The following AFF1 variants were observed in gnomAD, a reference collection of about 807,000 sequenced individuals.
AFF1 encodes AF4/FMR2 family member 1.
A neutral mutation model predicts 121.7 loss-of-function variants in AFF1; 48 were observed. The ratio of observed to expected loss-of-function variants is 0.39; its 90% confidence interval spans 0.31 to 0.50. The LOEUF is 0.50. Ranked by LOEUF, AFF1 falls within the 20% of genes least tolerant of loss-of-function variation. AFF1 has a pLI of 0.76. For synonymous variants in AFF1, 613 were observed against 563.0 expected, an observed-to-expected ratio of 1.09 and a Z score of -1.26; for missense variants, 1,523 against 1,511.7, an observed-to-expected ratio of 1.01 and a Z score of -0.12.
chr4:86,999,849 A>T (rs930467885), intron 2 of AFF1, among the ~76,000 whole-genome samples: 10 of 152,146 alleles, frequency 6.6e-5, no homozygotes, highest in Non-Finnish European at 2.9e-5. Flanking sequence ...GCAGAAGGAG[A>T]CTGGGTGGTA....
At chr4:87,119,272 T>C (rs1469419111) in intron 12 of AFF1, among the ~76,000 whole-genome samples, 1 of 152,058 alleles carries the variant, frequency 6.6e-6, no homozygotes. Flanking sequence ...GCCAGTGCAA[T>C]TGGGAGCCCT....
intron 2 of AFF1, among the ~76,000 whole-genome samples, chr4:87,006,178 G>C (rs905605503): frequency 6.6e-6 from 1 of 152,272 alleles, no homozygotes; most frequent in South Asian, 2.1e-4. Flanking sequence ...CATGATTCTA[G>C]GTAGAAGAAC....
rs1358472531 is a variant in AFF1 at position 87,080,813 on chromosome 4, A to T, written c.1060-3307A>T. ...AGATCTTTCCCTGTAAACAAATCCA[A>T]AAGATCTGTCTTGTAGTTTAAGTGT... On this transcript the variant is annotated intron_variant, in intron 4 of 20. Coordinates refer to ENST00000395146, the MANE Select transcript of AFF1 (RefSeq NM_001166693.3). Among the ~76,000 whole-genome samples the T allele has an allele frequency of 2.0e-5, 3 of 152,220 alleles. No homozygotes were observed. The South Asian group carries it at 6.2e-4, about 31-fold the overall frequency.
intron 13 of AFF1, among the ~76,000 whole-genome samples, chr4:87,125,840 G>T (rs1041999024): frequency 2.0e-5 from 3 of 152,162 alleles, no homozygotes; most frequent in African/African-American, 7.2e-5. Flanking sequence ...GCTGAAGCAG[G>T]CGTTCGGAAT....
chr4:87,026,655 C>T (rs770880079), intron 2 of AFF1, among the ~76,000 whole-genome samples: 1 of 152,068 alleles, frequency 6.6e-6, no homozygotes, highest in East Asian at 1.9e-4. Context: ...GAAAGAATTT[C>T]GAATGACATG....
intron 8 of AFF1, among the ~76,000 whole-genome samples, chr4:87,095,919 C>T (rs1724789137): frequency 6.6e-6 from 1 of 151,974 alleles, no homozygotes; most frequent in Admixed American, 6.5e-5. Flanking sequence ...TTCAGGTGGC[C>T]CAGGAGTTTA....
At chr4:87,117,391 G>T (rs1578288087) in intron 12 of AFF1, among the ~76,000 whole-genome samples, 2 of 152,278 alleles carry the variant, frequency 1.3e-5, no homozygotes, top group Non-Finnish European at 1.5e-5. Flanking sequence ...TGCCTCCGTG[G>T]TACTGTCAGG....
At chr4:87,081,198 G>C (rs1723142836) in intron 4 of AFF1, among the ~76,000 whole-genome samples, 1 of 118,368 alleles carries the variant, frequency 8.4e-6, no homozygotes, top group South Asian at 2.9e-4. Context: ...GTCTCACTCG[G>C]TCTCCCAGGC....
At chr4:87,032,564 T>C (rs1419469993) in intron 2 of AFF1, among the ~76,000 whole-genome samples, 1 of 152,224 alleles carries the variant, frequency 6.6e-6, no homozygotes, top group East Asian at 1.9e-4. Context: ...ATCTGCTTTG[T>C]AGTCCATGTG....
chr4:86,992,924 CCTTT>C (rs1177380617), intron 2 of AFF1, among the ~76,000 whole-genome samples: 5 of 151,902 alleles, frequency 3.3e-5, no homozygotes, highest in African/African-American at 4.8e-5. Context: ...ATGGAGTAGC[CCTTT>C]CTTTGAGTGA....
At chr4:87,018,070 C>A (rs188014877) in intron 2 of AFF1, among the ~76,000 whole-genome samples, 1 of 152,320 alleles carries the variant, frequency 6.6e-6, no homozygotes, top group East Asian at 1.9e-4. Context: ...TGCTGCTCTG[C>A]ATATTAATTT....
Position 87,110,095 on chromosome 4 carries a change from A to G in AFF1, c.1533+1780A>G, listed in dbSNP as rs180998195. Among the ~76,000 whole-genome samples, 16 of 152,282 alleles carry G rather than the reference A, an allele frequency of 1.1e-4. No individual in the cohort carries two copies. In the East Asian group the frequency reaches 2.9e-3, roughly 28 times the overall value. On this transcript the variant is annotated intron_variant, in intron 11 of 20. Coordinates refer to ENST00000395146, the MANE Select transcript of AFF1 (RefSeq NM_001166693.3). Reference sequence around the variant, plus strand: ...AGCTGTACATACAGATATTAATGAGAATTCTTTTTCATTAATATTGCATAA... The same window carrying G: ...AGCTGTACATACAGATATTAATGAGGATTCTTTTTCATTAATATTGCATAA...
chr4:87,072,337 T>C (rs1266489473), intron 4 of AFF1, among the ~76,000 whole-genome samples: 1 of 130,590 alleles, frequency 7.7e-6, no homozygotes, highest in Non-Finnish European at 1.6e-5. Flanking sequence ...CACTCCAGCC[T>C]GGGCAACAGA....
intron 4 of AFF1, among the ~76,000 whole-genome samples, chr4:87,076,874 G>A (rs1201913191): frequency 6.6e-6 from 1 of 152,198 alleles, no homozygotes; most frequent in Non-Finnish European, 1.5e-5. Context: ...CATGTTCTTG[G>A]AACAGGCTTA....
Position 86,972,131 on chromosome 4 carries a change from C to CAAA in AFF1, c.38+23587_38+23589dup, listed in dbSNP as rs59683267. Among the ~76,000 whole-genome samples, 32 of 57,956 alleles carry CAAA rather than the reference C, an allele frequency of 5.5e-4. 1 individual carries two copies. The highest frequency in any genetic ancestry group is 1.4e-3 in the African/African-American group (20 of 14,144). The allele number at this position is 57,956 out of a possible 152,430, so 38.0% of individuals were successfully genotyped here. A position where few individuals can be genotyped will look rare whatever the true frequency, so the allele number is the denominator to read the frequency against. Reference sequence around the variant, plus strand: ...ACCTGGGCAGAGCCAGAGCTTGTCTCAAAAAAAAAAAAAAAAAAAAAAAAA... The same window carrying CAAA: ...ACCTGGGCAGAGCCAGAGCTTGTCTCAAAAAAAAAAAAAAAAAAAAAAAAAAAA... On this transcript the variant is annotated intron_variant, in intron 2 of 20. Transcript: ENST00000395146.
chr4:86,981,771 T>C (rs1343027294), intron 2 of AFF1, among the ~76,000 whole-genome samples: 1 of 152,244 alleles, frequency 6.6e-6, no homozygotes, highest in African/African-American at 2.4e-5. Context: ...CAAAGTTTGC[T>C]TCTAGCTTGT....
chr4:86,964,653 C>T (rs1238613358), intron 2 of AFF1, among the ~76,000 whole-genome samples: 4 of 151,448 alleles, frequency 2.6e-5, no homozygotes, highest in East Asian at 1.9e-4. Flanking sequence ...AGGCTGGTCT[C>T]GAACTCCCGA....
Position 87,080,608 on chromosome 4 carries a change from G to A in AFF1, c.1060-3512G>A, listed in dbSNP as rs189918297. Among the ~76,000 whole-genome samples, 158 of 152,342 alleles carry A rather than the reference G, an allele frequency of 1.0e-3. 1 individual carries two copies. The highest frequency in any genetic ancestry group is 3.4e-3 in the Middle Eastern group (1 of 294). ...AGCTACTCTCTGAAGGCTGAGGTAGGAGGATGACTTGAGCCCAGGCCAGCC... is the reference window on the plus strand; with the variant it reads ...AGCTACTCTCTGAAGGCTGAGGTAGAAGGATGACTTGAGCCCAGGCCAGCC... On this transcript the variant is annotated intron_variant, in intron 4 of 20. Coordinates refer to ENST00000395146, the MANE Select transcript of AFF1 (RefSeq NM_001166693.3).
chr4:87,109,382 C>T (rs1052819887), intron 11 of AFF1, among the ~76,000 whole-genome samples: 3 of 152,130 alleles, frequency 2.0e-5, no homozygotes, highest in African/African-American at 4.8e-5. Flanking sequence ...CTATGTCTGG[C>T]GCAGAAAATA....
Sources: allele counts gnomAD v4.1 joint callset (sites outside exome capture counted in the v4.1 genomes callset), GRCh38; gene constraint gnomAD v4.1.1; transcripts MANE v1.5; gene names NCBI Gene and HGNC (gene_info 2026-07-23, HGNC 2026-07-21).